BCAR3: variants seen among roughly 807,000 people sequenced by gnomAD.
BCAR3 encodes BCAR3 adaptor protein, NSP family member.
A neutral mutation model predicts 80.1 loss-of-function variants in BCAR3; 37 were observed. The observed-to-expected ratio is 0.46, with a 90% CI of 0.36 to 0.61. BCAR3 has a LOEUF of 0.61. BCAR3 is among the 20% of genes least tolerant of loss of function. The pLI is 0.00. For synonymous variants in BCAR3, 389 were observed against 418.9 expected (o/e 0.93, Z 0.87); for missense variants, 978 against 1,068.2 (o/e 0.92, Z 1.18).
At chr1:93,814,233 C>G (rs1653943448) in intron 2 of BCAR3, among the ~76,000 whole-genome samples, 2 of 152,180 alleles carry the variant, frequency 1.3e-5, no homozygotes, top group African/African-American at 4.8e-5. Flanking sequence ...TGGCTAAGAT[C>G]AAGTGTATTC....
intron 11 of BCAR3, among the ~76,000 whole-genome samples, chr1:93,563,461 G>A (rs1015607489): frequency 1.3e-5 from 2 of 152,148 alleles, no homozygotes; most frequent in Non-Finnish European, 2.9e-5. Context: ...CATTTGGATT[G>A]CTTCTGGCTG....
Position 93,586,415 on chromosome 1 carries a change from T to C in BCAR3, c.930-2294A>G, listed in dbSNP as rs1673943970. ...TTTTTATGGCTGAATAGTACTCCACTGTGTATATACACATTTCCCTTATCT... is the reference window on the plus strand; with the variant it reads ...TTTTTATGGCTGAATAGTACTCCACCGTGTATATACACATTTCCCTTATCT... On this transcript the variant is annotated intron_variant, in intron 5 of 11. Coordinates refer to ENST00000260502, the MANE Select transcript of BCAR3 (RefSeq NM_003567.4). This position sits in a 1 kb window ranked among gnomAD's most constrained non-coding sequence, Gnocchi z 4.2. 6.6e-6 allele frequency among the ~76,000 whole-genome samples: 1 copy of C among 152,246 alleles called. No individual in the cohort carries two copies. Among genetic ancestry groups the C allele is most frequent in the Non-Finnish European group, 1.5e-5 (1 of 68,046 alleles).
At chr1:93,824,601 C>T (rs1654319362) in intron 2 of BCAR3, among the ~76,000 whole-genome samples, 1 of 132,590 alleles carries the variant, frequency 7.5e-6, no homozygotes, top group African/African-American at 2.5e-5. Flanking sequence ...CCCCCACCAC[C>T]TCTCTCCCTT....
At chr1:93,733,704 T>A (rs1249570381) in intron 2 of BCAR3, among the ~76,000 whole-genome samples, 1 of 152,226 alleles carries the variant, frequency 6.6e-6, no homozygotes, top group Non-Finnish European at 1.5e-5. Flanking sequence ...ATGGGCACTC[T>A]TAGAACATAT....
intron 3 of BCAR3, among the ~76,000 whole-genome samples, chr1:93,622,821 G>T (rs1186735627): frequency 6.6e-6 from 1 of 152,166 alleles, no homozygotes; most frequent in Non-Finnish European, 1.5e-5. Flanking sequence ...TGCCAAGGTG[G>T]GGACAATAAA....
chr1:93,575,979 G>C (rs753189438), intron 8 of BCAR3, 35 bp downstream of exon 8: 1 of 1,574,448 alleles, frequency 6.4e-7, no homozygotes, highest in Non-Finnish European at 8.7e-7. Context: ...GAAGGAGCTG[G>C]GAGGGTCGGA....
intron 2 of BCAR3, among the ~76,000 whole-genome samples, chr1:93,711,137 A>G (rs116150116): frequency 1.2e-4 from 19 of 152,342 alleles, no homozygotes; most frequent in Admixed American, 5.2e-4. Context: ...TTTGTGAACT[A>G]ATATCAGAAG....
chr1:93,642,583 T>C (rs913223331), intron 2 of BCAR3, among the ~76,000 whole-genome samples: 1 of 152,172 alleles, frequency 6.6e-6, no homozygotes. Context: ...AGTATTTACA[T>C]GTGGTAATTC....
At chr1:93,648,518 G>T (rs1676219263) in intron 2 of BCAR3, among the ~76,000 whole-genome samples, 1 of 152,160 alleles carries the variant, frequency 6.6e-6, no homozygotes, top group Non-Finnish European at 1.5e-5. Context: ...GAAAAAGAAA[G>T]AATAAAATAG....
At chr1:93,703,734 A>G (rs1292420441) in intron 3 of BCAR3, among the ~76,000 whole-genome samples, 1 of 152,222 alleles carries the variant, frequency 6.6e-6, no homozygotes, top group Non-Finnish European at 1.5e-5. Context: ...AGACCCAGAT[A>G]TTCTCCTAGG....
intron 1 of BCAR3, chr1:93,681,376 G>A (rs1250082876): frequency 1.3e-5 from 2 of 152,198 alleles, no homozygotes; most frequent in Non-Finnish European, 2.9e-5. Context: ...CGCTCGGAGG[G>A]CCTGGAGAGC....
At chr1:93,828,681 A>C (rs2100830175) in intron 2 of BCAR3, among the ~76,000 whole-genome samples, 1 of 152,188 alleles carries the variant, frequency 6.6e-6, no homozygotes, top group East Asian at 1.9e-4. Flanking sequence ...TCATTTTTGA[A>C]GTCTCCTGCA....
chr1:93,775,282 G>A (rs1428929310), intron 2 of BCAR3: 1 of 152,250 alleles, frequency 6.6e-6, no homozygotes, highest in Admixed American at 6.5e-5. Context: ...GGATTCAAGG[G>A]TGTATCAAGC....
At chr1:93,768,754 G>A (rs1652247775) in intron 2 of BCAR3, among the ~76,000 whole-genome samples, 1 of 152,162 alleles carries the variant, frequency 6.6e-6, no homozygotes, top group South Asian at 2.1e-4. Flanking sequence ...GGATGCTGGA[G>A]GCCTCTCATT....
Position 93,748,871 on chromosome 1 carries a change from A to T in BCAR3, c.-62-42729T>A, listed in dbSNP as rs139320976. 3.3e-4 allele frequency among the ~76,000 whole-genome samples: 50 copies of T among 152,262 alleles called. No individual in the cohort carries two copies. In the East Asian group the frequency reaches 8.1e-3, roughly 25 times the overall value. On this transcript the variant is annotated intron_variant, in intron 2 of 13. Transcript: ENST00000370244. ...CTAGATTGGGGTACATGGGAATAGG[A>T]ACTGTGTCCTATGCTTCTTTTAGCT...
At chr1:93,831,924 A>G (rs1158954263) in intron 2 of BCAR3, among the ~76,000 whole-genome samples, 1 of 152,174 alleles carries the variant, frequency 6.6e-6, no homozygotes, top group East Asian at 1.9e-4. Context: ...GACCTCTCCC[A>G]AATAAGTTAG....
At chr1:93,816,880 T>C (rs1349745424) in intron 2 of BCAR3, among the ~76,000 whole-genome samples, 1 of 152,058 alleles carries the variant, frequency 6.6e-6, no homozygotes, top group Non-Finnish European at 1.5e-5. Context: ...CTATCTTAGC[T>C]ATACTTACAA....
In BCAR3 at chr1:93,589,080, C is replaced by T; in HGVS notation, c.826G>A (p.Gly276Ser). The change falls in exon 5 of 12, where the codon GGC (glycine) becomes AGC (serine). Residue 276 changes from glycine (G) to serine (S), a missense_variant. Physicochemically the swap from Gly to Ser is moderately conservative, Grantham distance 56. Coordinates refer to ENST00000260502, the MANE Select transcript of BCAR3 (RefSeq NM_003567.4). Reference protein sequence around the residue: ...YGTSPGQAREGSLTKGRPDVA... With the variant: ...YGTSPGQARESSLTKGRPDVA... The stretch of plus-strand genomic sequence containing the variant: ...TCCGGCCTTCCCTTGGTGAGGCTGC[C>T]CTCCCGGGCCTGGCCTGGGGAGGTG... The T allele has an allele frequency of 1.9e-6, 3 of 1,612,366 alleles. No homozygotes were observed. Among genetic ancestry groups the T allele is most frequent in the Non-Finnish European group, 2.5e-6 (3 of 1,179,084 alleles).
intron 2 of BCAR3, among the ~76,000 whole-genome samples, chr1:93,734,633 G>A (rs1035527281): frequency 6.6e-6 from 1 of 152,178 alleles, no homozygotes; most frequent in Non-Finnish European, 1.5e-5. Flanking sequence ...TAGTGCAGAG[G>A]CTGTTACTTC....
Sources: allele counts gnomAD v4.1 joint callset (sites outside exome capture counted in the v4.1 genomes callset), GRCh38; gene constraint gnomAD v4.1.1; non-coding constraint Gnocchi (gnomAD v3.1); transcripts MANE v1.5; gene names NCBI Gene and HGNC (gene_info 2026-07-23, HGNC 2026-07-21).